Variants in HMCES observed in about 807,000 individuals in gnomAD.
HMCES encodes abasic site processing protein HMCES.
A neutral mutation model predicts 35.1 loss-of-function variants in HMCES; 27 were observed. That is an observed-to-expected ratio of 0.77 (90% CI 0.57 to 1.06). The LOEUF (loss-of-function observed/expected upper bound fraction) is 1.06, where lower values mean the gene tolerates loss of function less well. HMCES is among the 50% of genes least tolerant of loss of function. The pLI, the probability that HMCES is intolerant of heterozygous loss-of-function variation, is 0.00. For synonymous variants in HMCES, 130 were observed against 154.7 expected (o/e 0.84, Z 1.18); for missense variants, 391 against 430.4 (o/e 0.91, Z 0.81).
intron 2 of HMCES, among the ~76,000 whole-genome samples, chr3:129,283,675 A>G (rs1940559398): frequency 2.6e-5 from 4 of 152,150 alleles, no homozygotes. Flanking sequence ...TACTAAAAAT[A>G]CAAAATTAGT....
intron 2 of HMCES, among the ~76,000 whole-genome samples, chr3:129,287,053 C>G (rs1940656325): frequency 6.6e-6 from 1 of 152,080 alleles, no homozygotes; most frequent in Admixed American, 6.6e-5. Context: ...ATAGAATCAG[C>G]AAAGGAAAAA....
chr3:129,285,373 T>C (rs1940607829), intron 2 of HMCES, among the ~76,000 whole-genome samples: 1 of 152,208 alleles, frequency 6.6e-6, no homozygotes, highest in South Asian at 2.1e-4. Flanking sequence ...GGGTAATTAT[T>C]GTTTGTTCTA....
chr3:129,304,788 A>T lies in HMCES; in HGVS notation c.1028A>T (p.Glu343Val). The change falls in exon 7 of 7, where the codon GAG becomes GTG. Residue 343 changes from glutamate (E) to valine (V), a missense_variant. Coordinates refer to ENST00000383463, the MANE Select transcript of HMCES (RefSeq NM_020187.3). ...GAGCAATGGCTGAAGCGGGAGAAGG[A>T]GGAGGAACCTGTGGCCAAGCGTCCT... is the stretch of plus-strand genomic sequence containing the variant. ...LLEQWLKREK[E>V]EEPVAKRPYS... The T allele has an allele frequency of 1.9e-6, 3 of 1,614,132 alleles. No individual in the cohort carries two copies. The South Asian group carries it at 3.3e-5, about 18-fold the overall frequency.
intron 5 of HMCES, among the ~76,000 whole-genome samples, chr3:129,300,233 T>G (rs1440354099): frequency 6.6e-6 from 1 of 151,282 alleles, no homozygotes; most frequent in Admixed American, 6.6e-5. Flanking sequence ...AACACAATTT[T>G]GTAAAATAGT....
Position 129,304,751 on chromosome 3 carries a change from G to A in HMCES, c.991G>A (p.Ala331Thr). ...KSPLPTKRGT[A>T]GLLEQWLKRE... The stretch of plus-strand genomic sequence containing the variant: ...TCCACTCCCCACCAAGAGAGGCACT[G>A]CAGGACTCCTAGAGCAATGGCTGAA... Residue 331 changes from alanine (A) to threonine (T), a missense_variant, in exon 7 of 7, where the codon GCA becomes ACA. Coordinates refer to ENST00000383463, the MANE Select transcript of HMCES (RefSeq NM_020187.3). The A allele has an allele frequency of 6.2e-7, 1 of 1,614,192 alleles. No individual in the cohort carries two copies. Among genetic ancestry groups the A allele is most frequent in the East Asian group, 2.2e-5 (1 of 44,888 alleles).
intron 5 of HMCES, among the ~76,000 whole-genome samples, chr3:129,300,752 C>T (rs2071152674): frequency 6.6e-6 from 1 of 152,060 alleles, no homozygotes; most frequent in Admixed American, 6.6e-5. Flanking sequence ...AAAAAATGGC[C>T]AGGCGCGGTG....
intron 5 of HMCES, among the ~76,000 whole-genome samples, chr3:129,299,876 G>T (rs1337577014): frequency 1.3e-5 from 2 of 151,494 alleles, no homozygotes; most frequent in African/African-American, 4.8e-5. Flanking sequence ...TGATCCACCT[G>T]CCTCGGCCTC....
intron 4 of HMCES, among the ~76,000 whole-genome samples, chr3:129,293,607 G>C (rs1576987438): frequency 1.2e-5 from 1 of 85,216 alleles, no homozygotes; most frequent in African/African-American, 4.5e-5. Context: ...TTTCACTCTT[G>C]TTGCCCAGGA....
intron 4 of HMCES, among the ~76,000 whole-genome samples, chr3:129,296,800 T>A (rs1163449432): frequency 6.6e-6 from 1 of 152,192 alleles, no homozygotes; most frequent in Admixed American, 6.5e-5. Context: ...AGTCTCCCTC[T>A]GTTGCCCAGG....
chr3:129,289,393 C>G (rs544434095), intron 3 of HMCES, among the ~76,000 whole-genome samples: 3 of 152,152 alleles, frequency 2.0e-5, no homozygotes, highest in African/African-American at 7.2e-5. Flanking sequence ...GTCAGGGTAG[C>G]CAGGCTTCTG....
rs563170047 is a variant in HMCES at position 129,279,185 on chromosome 3, C to G, written c.-24+280C>G. 6.5e-6 allele frequency: 1 copy of G among 152,900 alleles called. No individual in the cohort carries two copies. Among genetic ancestry groups the G allele is most frequent in the Non-Finnish European group, 1.5e-5 (1 of 68,424 alleles). 9.5% of individuals were successfully genotyped at this position (152,900 alleles called of 1,614,324 possible). A position where few individuals can be genotyped will look rare whatever the true frequency, so the allele number is the denominator to read the frequency against. On this transcript the variant is annotated intron_variant, in intron 1 of 6. Coordinates refer to ENST00000383463, the MANE Select transcript of HMCES (RefSeq NM_020187.3). The surrounding 1 kb of genome is among the most constrained non-coding windows in gnomAD (Gnocchi z 4.2). Reference sequence around the variant, plus strand: ...CCGCTCCGGGGAGCAGAGTCCGGAGCGGGATCCGCGGCCCACAGGTTCGCA... The same window carrying G: ...CCGCTCCGGGGAGCAGAGTCCGGAGGGGGATCCGCGGCCCACAGGTTCGCA...
At chr3:129,287,664 A>G (rs530707938) in intron 2 of HMCES, among the ~76,000 whole-genome samples, 37 of 152,274 alleles carry the variant, frequency 2.4e-4, no homozygotes, top group African/African-American at 8.9e-4. Context: ...CTCAAAATCT[A>G]GTTCTGAGTT....
At chr3:129,304,340 C>G (rs1054273209) in intron 6 of HMCES, among the ~76,000 whole-genome samples, 1 of 152,216 alleles carries the variant, frequency 6.6e-6, no homozygotes, top group Non-Finnish European at 1.5e-5. Context: ...ATTTGGAATG[C>G]CTTTCAGCTC....
chr3:129,289,219 G>A (rs1940729204), intron 3 of HMCES, among the ~76,000 whole-genome samples: 1 of 152,168 alleles, frequency 6.6e-6, no homozygotes, highest in Non-Finnish European at 1.5e-5. Context: ...ATATTCTCTG[G>A]GTTGACTGGG....
At position 129,289,028 on chromosome 3, in the gene HMCES, A is replaced by G. The variant is rs1020389085; in HGVS notation, c.327+31A>G. On this transcript the variant is annotated intron_variant, in intron 3 of 6. Coordinates refer to ENST00000383463, the MANE Select transcript of HMCES (RefSeq NM_020187.3). ...TGGCTGGTAGCTATTAGTGCCCCGT[A>G]TACCTCAGAAATAAGGTTCCAAAGG... is the stretch of plus-strand genomic sequence containing the variant. 3 of 1,502,258 alleles carry G rather than the reference A, an allele frequency of 2.0e-6. No individual in the cohort carries two copies. In the Admixed American group the frequency reaches 5.4e-5, roughly 27 times the overall value. 93.1% of individuals were successfully genotyped at this position (1,502,258 alleles called of 1,614,324 possible).
chr3:129,285,973 G>A (rs1940629286), intron 2 of HMCES, among the ~76,000 whole-genome samples: 3 of 151,282 alleles, frequency 2.0e-5, no homozygotes, highest in East Asian at 2.0e-4. Context: ...GAGGTGATCC[G>A]CTCGCCTCAG....
chr3:129,289,370 C>T (rs1940733986), intron 3 of HMCES, among the ~76,000 whole-genome samples: 1 of 152,154 alleles, frequency 6.6e-6, no homozygotes, highest in African/African-American at 2.4e-5. Context: ...TTCCATATGC[C>T]TAGCTCGAGG....
rs748462388 is a variant in HMCES at position 129,279,838 on chromosome 3, G to A, written c.106G>A (p.Asp36Asn). ...QQRLPEWRDP[D>N]KYCPSYNKSP... ...GCGGCTCCCGGAGTGGAGGGACCCT[G>A]ATAAGTACTGCCCCTCTTACAACAA... Residue 36 changes from aspartate to asparagine, a missense_variant, in exon 2 of 7, where the codon GAT (aspartate) becomes AAT (asparagine). Physicochemically the swap from Asp to Asn is conservative, Grantham distance 23. Transcript: ENST00000383463. The surrounding 1 kb of genome is among the most constrained non-coding windows in gnomAD (Gnocchi z 4.2). 1.4e-5 allele frequency: 22 copies of A among 1,613,526 alleles called. No individual in the cohort carries two copies. Among genetic ancestry groups the A allele is most frequent in the Non-Finnish European group, 1.9e-5 (22 of 1,179,850 alleles).
At position 129,290,742 on chromosome 3, in the gene HMCES, T is replaced by C. The variant is rs2071003366; in HGVS notation, c.391T>C (p.Cys131Arg). Residue 131 changes from cysteine (C) to arginine (R), a missense_variant, in exon 4 of 7, where the codon TGT (cysteine) becomes CGT (arginine). Cys to Arg is a radical substitution (Grantham distance 180). Coordinates refer to ENST00000383463, the MANE Select transcript of HMCES (RefSeq NM_020187.3). ...LADGFYEWQR[C>R]QGTNQRQPYF... ...AGATGGATTCTATGAGTGGCAGCGA[T>C]GTCAGGGAACAAACCAGAGGCAGCC... 2 of 1,613,508 alleles carry C rather than the reference T, an allele frequency of 1.2e-6. No homozygotes were observed. Among genetic ancestry groups the C allele is most frequent in the African/African-American group, 1.3e-5 (1 of 74,890 alleles).
Sources: allele counts gnomAD v4.1 joint callset (sites outside exome capture counted in the v4.1 genomes callset), GRCh38; gene constraint gnomAD v4.1.1; non-coding constraint Gnocchi (gnomAD v3.1); transcripts MANE v1.5; gene names NCBI Gene and HGNC (gene_info 2026-07-23, HGNC 2026-07-21).